The following FGF14 variants were observed in gnomAD, a reference collection of about 807,000 sequenced individuals.
FGF14 encodes fibroblast growth factor homologous factor 4.
In FGF14, 5 loss-of-function variants were observed where a neutral mutation model predicts 25.5. The ratio of observed to expected loss-of-function variants is 0.20; its 90% CI spans 0.10 to 0.41. The LOEUF (loss-of-function observed/expected upper bound fraction) is 0.41, where lower values mean the gene tolerates loss of function less well. Ranked by LOEUF, FGF14 falls within the 10% of genes least tolerant of loss-of-function variation. The probability of loss-of-function intolerance (pLI) is 1.00; values close to 1 mark genes in which losing one functional copy is unlikely to be tolerated. For synonymous variants in FGF14, 138 were observed against 118.3 expected, an observed-to-expected ratio of 1.17 and a Z score of -1.08; for missense variants, 222 against 320.1, an observed-to-expected ratio of 0.69 and a Z score of 2.34.
intron 1 of FGF14, among the ~76,000 whole-genome samples, chr13:101,955,765 C>T (rs2036473879): frequency 6.6e-6 from 1 of 152,170 alleles, no homozygotes; most frequent in South Asian, 2.1e-4. Flanking sequence ...GAATCAAGAC[C>T]TTTGCTCCAA....
intron 1 of FGF14, among the ~76,000 whole-genome samples, chr13:102,327,261 G>C (rs2056484905): frequency 3.3e-5 from 5 of 152,174 alleles, no homozygotes; most frequent in Admixed American, 3.3e-4. Context: ...CATTTGGCTG[G>C]TTTGCAACAC....
intron 1 of FGF14, among the ~76,000 whole-genome samples, chr13:102,321,634 C>A (rs912517409): frequency 3.5e-4 from 53 of 152,184 alleles, no homozygotes; most frequent in African/African-American, 1.2e-3. Context: ...GGACCTACTG[C>A]CAAAATCTGC....
At chr13:102,345,348 G>A (rs2057073639) in intron 1 of FGF14, among the ~76,000 whole-genome samples, 1 of 152,180 alleles carries the variant, frequency 6.6e-6, no homozygotes, top group Non-Finnish European at 1.5e-5. Flanking sequence ...TAAAGCAAAT[G>A]CGATGATGAG....
intron 1 of FGF14, among the ~76,000 whole-genome samples, chr13:102,323,149 A>G (rs1043861861): frequency 6.6e-6 from 1 of 152,212 alleles, no homozygotes; most frequent in African/African-American, 2.4e-5. Context: ...ATGTCAATTT[A>G]TAAATTATTG....
intron 1 of FGF14, among the ~76,000 whole-genome samples, chr13:102,163,349 C>T (rs896408240): frequency 2.6e-5 from 4 of 152,048 alleles, no homozygotes; most frequent in Non-Finnish European, 5.9e-5. Flanking sequence ...GAGGGGTTTT[C>T]CTACTTCTCT....
chr13:101,811,948 TAC>T (rs1447751331), intron 3 of FGF14, among the ~76,000 whole-genome samples: 1 of 152,176 alleles, frequency 6.6e-6, no homozygotes, highest in East Asian at 1.9e-4. Context: ...AAGCTTAAAT[TAC>T]ACAGTGAAAG....
rs1233395012 is a variant in FGF14 at position 101,721,625 on chromosome 13, A to AAAC, written c.*1203_*1205dup. On this transcript the variant is annotated 3_prime_UTR_variant, in exon 5 of 5. Transcript: ENST00000376143. The stretch of plus-strand genomic sequence containing the variant: ...ATTTTTCCTAATATGTCCAGTTTAA[A>AAAC]AACTTGTCATTAAACACCAAAAATA... 3.3e-5 allele frequency: 5 copies of AAAC among 152,106 alleles called. No homozygotes were observed. The highest frequency in any genetic ancestry group is 4.8e-5 in the African/African-American group (2 of 41,428). 9.4% of individuals were successfully genotyped at this position (152,106 alleles called of 1,614,324 possible).
intron 1 of FGF14, among the ~76,000 whole-genome samples, chr13:102,337,541 C>G (rs562842097): frequency 6.6e-6 from 1 of 152,192 alleles, no homozygotes; most frequent in South Asian, 2.1e-4. Flanking sequence ...TAGCATATCC[C>G]ATAAACTTAC....
chr13:101,768,659 A>G, intron 3 of FGF14, among the ~76,000 whole-genome samples: 1 of 152,110 alleles, frequency 6.6e-6, no homozygotes, highest in Non-Finnish European at 1.5e-5. Context: ...AAAGAAATAG[A>G]CCCACATAAA....
chr13:102,214,259 T>C (rs1444334840), intron 1 of FGF14, among the ~76,000 whole-genome samples: 1 of 152,246 alleles, frequency 6.6e-6, no homozygotes, highest in Non-Finnish European at 1.5e-5. Flanking sequence ...TTGCCATTAA[T>C]TACTTTCAAC....
chr13:102,156,087 G>A (rs767482784), intron 1 of FGF14, among the ~76,000 whole-genome samples: 1 of 152,186 alleles, frequency 6.6e-6, no homozygotes, highest in Non-Finnish European at 1.5e-5. Flanking sequence ...GGTACAAGGA[G>A]GAGCTGGTAC....
At chr13:102,165,403 G>T (rs898418667) in intron 1 of FGF14, among the ~76,000 whole-genome samples, 19 of 151,992 alleles carry the variant, frequency 1.3e-4, no homozygotes, top group African/African-American at 2.4e-4. Flanking sequence ...TAGCAAAGAC[G>T]TGGAACCAAC....
intron 1 of FGF14, chr13:102,366,413 T>C (rs1290212036): frequency 6.6e-6 from 1 of 152,162 alleles, no homozygotes; most frequent in Middle Eastern, 3.2e-3. Flanking sequence ...AAACATAACC[T>C]GTTCTTTGAT....
At chr13:102,219,857 T>A (rs759883435) in intron 1 of FGF14, among the ~76,000 whole-genome samples, 1 of 152,176 alleles carries the variant, frequency 6.6e-6, no homozygotes, top group African/African-American at 2.4e-5. Flanking sequence ...TTGTATTTTA[T>A]AGTGCGGTTA....
intron 3 of FGF14, among the ~76,000 whole-genome samples, chr13:101,772,124 G>T (rs1400538428): frequency 6.6e-6 from 1 of 151,942 alleles, no homozygotes; most frequent in African/African-American, 2.4e-5. Context: ...TTTGGCTATA[G>T]TTATGTTATG....
chr13:102,266,357 T>C (rs1245151072), intron 1 of FGF14, among the ~76,000 whole-genome samples: 1 of 152,134 alleles, frequency 6.6e-6, no homozygotes, highest in East Asian at 1.9e-4. Context: ...CTCTTTGTAA[T>C]TGCATACCGA....
At chr13:101,767,177 T>C (rs891527216) in intron 3 of FGF14, among the ~76,000 whole-genome samples, 5 of 152,208 alleles carry the variant, frequency 3.3e-5, no homozygotes, top group African/African-American at 1.2e-4. Context: ...ACGTATGTGA[T>C]GATGAATTAA....
chr13:102,218,769 C>T (rs1264792736), intron 1 of FGF14, among the ~76,000 whole-genome samples: 1 of 152,062 alleles, frequency 6.6e-6, no homozygotes, highest in Non-Finnish European at 1.5e-5. Context: ...AAACGATACA[C>T]TCATATATAT....
chr13:102,284,833 A>G (rs1421690291), intron 1 of FGF14, among the ~76,000 whole-genome samples: 1 of 152,156 alleles, frequency 6.6e-6, no homozygotes, highest in Non-Finnish European at 1.5e-5. Context: ...AATAATTAAT[A>G]TAATCATTGG....
Sources: gnomAD v4.1 joint callset for allele counts (sites outside exome capture counted in the v4.1 genomes callset) on GRCh38, gnomAD v4.1.1 for gene constraint, MANE v1.5 for transcripts, NCBI Gene and HGNC (gene_info 2026-07-23, HGNC 2026-07-21) for gene names.